OPRM1: variants seen among roughly 807,000 people sequenced by gnomAD.
OPRM1 encodes mu-type opioid receptor.
OPRM1 carries 27 observed loss-of-function variants against 31.8 expected under a neutral mutation model. The ratio of observed to expected loss-of-function variants is 0.85; its 90% CI spans 0.63 to 1.17. The LOEUF (loss-of-function observed/expected upper bound fraction) is 1.17. Ranked by LOEUF, OPRM1 falls within the 50% of genes most tolerant of loss-of-function variation. The pLI is 0.00. For synonymous variants in OPRM1, 196 were observed against 189.9 expected, an observed-to-expected ratio of 1.03 and a Z score of -0.26; for missense variants, 536 against 511.1, an observed-to-expected ratio of 1.05 and a Z score of -0.47.
chr6:154,069,719 G>T (rs117296063), intron 1 of OPRM1, among the ~76,000 whole-genome samples: 1 of 152,202 alleles, frequency 6.6e-6, no homozygotes, highest in East Asian at 1.9e-4. Flanking sequence ...TCTGCTGCAC[G>T]TGGAAATCCA....
At chr6:154,070,669 T>C (rs935954847) in intron 1 of OPRM1, among the ~76,000 whole-genome samples, 3 of 152,244 alleles carry the variant, frequency 2.0e-5, no homozygotes, top group Non-Finnish European at 2.9e-5. Context: ...CTCAGCAACT[T>C]GACTAACATC....
chr6:154,224,688 A>C (rs1779118384), intron 3 of OPRM1, among the ~76,000 whole-genome samples: 1 of 152,114 alleles, frequency 6.6e-6, no homozygotes, highest in African/African-American at 2.4e-5. Context: ...TCCAGTCTGG[A>C]CAACAGAGTG....
Position 154,110,435 on chromosome 6 carries a change from A to G in OPRM1, c.1165-8248A>G, listed in dbSNP as rs1316980210. ...AATAATTACAATATTTTCCCGTGAA[A>G]GAATATAAGATTGGAAGCCAGAGAG... is the stretch of plus-strand genomic sequence containing the variant. On this transcript the variant is annotated intron_variant, in intron 3 of 3. Coordinates refer to ENST00000330432, the MANE Select transcript of OPRM1 (RefSeq NM_000914.5). 6.9e-6 allele frequency: 10 copies of G among 1,447,486 alleles called. No homozygotes were observed. In the East Asian group the frequency reaches 2.5e-4, roughly 36 times the overall value. 89.7% of individuals were successfully genotyped at this position (1,447,486 alleles called of 1,614,324 possible). A position where few individuals can be genotyped will look rare whatever the true frequency, so the allele number is the denominator to read the frequency against.
chr6:154,069,643 C>A (rs1786221082), intron 1 of OPRM1, among the ~76,000 whole-genome samples: 1 of 152,120 alleles, frequency 6.6e-6, no homozygotes, highest in Non-Finnish European at 1.5e-5. Flanking sequence ...GGGGGTCTTA[C>A]ATTTAAGTTG....
At chr6:154,166,065 G>A (rs557161837) in intron 3 of OPRM1, among the ~76,000 whole-genome samples, 2 of 152,386 alleles carry the variant, frequency 1.3e-5, no homozygotes, top group Admixed American at 6.5e-5. Flanking sequence ...AGACCTGGGG[G>A]CAGAGGCATT....
At chr6:154,214,146 T>C in intron 3 of OPRM1, 2 of 982,570 alleles carry the variant, frequency 2.0e-6, no homozygotes, top group Non-Finnish European at 1.7e-6. Flanking sequence ...GAACTTGACA[T>C]TGTTTTTTCA....
chr6:154,126,683 T>C lies in OPRM1; in HGVS notation c.*7962T>C, dbSNP rs1797602905. 6.6e-6 allele frequency among the ~76,000 whole-genome samples: 1 copy of C among 152,078 alleles called. No individual in the cohort carries two copies. Among genetic ancestry groups the C allele is most frequent in the African/African-American group, 2.4e-5 (1 of 41,392 alleles). ...ATCTGCAGGGTAGATTTGGCTTCCA[T>C]GGTTGTTCACTGCTCTGTGTTAGGA... On this transcript the variant is annotated 3_prime_UTR_variant, in exon 4 of 4. Transcript: ENST00000330432.
intron 3 of OPRM1, among the ~76,000 whole-genome samples, chr6:154,110,170 G>A: frequency 6.6e-6 from 1 of 152,090 alleles, no homozygotes. Context: ...TCTGAAAATA[G>A]AGCAGGGTTT....
At chr6:154,204,942 G>T (rs1346666120) in intron 3 of OPRM1, among the ~76,000 whole-genome samples, 1 of 152,116 alleles carries the variant, frequency 6.6e-6, no homozygotes, top group African/African-American at 2.4e-5. Context: ...AGCCACACTG[G>T]CCTTCTTTCT....
chr6:154,074,225 A>G (rs1787378572), intron 1 of OPRM1: 1 of 152,198 alleles, frequency 6.6e-6, no homozygotes, highest in Non-Finnish European at 1.5e-5. Flanking sequence ...TCATTTTTTC[A>G]TCTGTAAAAT....
At position 154,099,905 on chromosome 6, in the gene OPRM1, GAT is replaced by G. The variant is rs1241344005; in HGVS notation, c.1164+8440_1164+8441del. On this transcript the variant is annotated intron_variant, in intron 3 of 3. Coordinates refer to ENST00000330432, the MANE Select transcript of OPRM1 (RefSeq NM_000914.5). Reference sequence around the variant, plus strand: ...CATAACATATTATATATTATATTATGATATATATCATAACATGTATTATCATA... The same window carrying G: ...CATAACATATTATATATTATATTATGATATATCATAACATGTATTATCATA... Among the ~76,000 whole-genome samples, 274 of 138,716 alleles carry G rather than the reference GAT, an allele frequency of 2.0e-3. 1 individual carries two copies. Among genetic ancestry groups the G allele is most frequent in the Non-Finnish European group, 3.3e-3 (218 of 65,690 alleles). 91.0% of individuals were successfully genotyped at this position (138,716 alleles called of 152,430 possible).
In OPRM1 at chr6:154,121,998, A is replaced by G. The variant is rs1233220872; in HGVS notation, c.*3277A>G. 6.6e-6 allele frequency among the ~76,000 whole-genome samples: 1 copy of G among 152,204 alleles called. No individual in the cohort carries two copies. The highest frequency in any genetic ancestry group is 1.5e-5 in the Non-Finnish European group (1 of 68,022). ...ATTCTCCATCTACTGGCAATTACCA[A>G]GATAAGATGGCACTAGAAATTTCTC... On this transcript the variant is annotated 3_prime_UTR_variant, in exon 4 of 4. Coordinates refer to ENST00000330432, the MANE Select transcript of OPRM1 (RefSeq NM_000914.5).
At chr6:154,226,525 T>A (rs1377654995) in intron 3 of OPRM1, among the ~76,000 whole-genome samples, 5 of 152,118 alleles carry the variant, frequency 3.3e-5, no homozygotes, top group African/African-American at 1.2e-4. Flanking sequence ...AAACTCAAAG[T>A]TGTATAGTTG....
intron 3 of OPRM1, among the ~76,000 whole-genome samples, chr6:154,229,572 G>A (rs1007457114): frequency 4.0e-5 from 6 of 151,796 alleles, no homozygotes; most frequent in African/African-American, 1.2e-4. Flanking sequence ...TAGCCAGGAC[G>A]GTCTCGATCT....
chr6:154,189,107 C>T (rs1442424471), intron 3 of OPRM1, among the ~76,000 whole-genome samples: 1 of 152,028 alleles, frequency 6.6e-6, no homozygotes, highest in African/African-American at 2.4e-5. Flanking sequence ...GTATACATTC[C>T]TACAAATCCA....
At chr6:154,044,777 C>T (rs1206514761) in intron 1 of OPRM1, among the ~76,000 whole-genome samples, 1 of 152,174 alleles carries the variant, frequency 6.6e-6, no homozygotes, top group African/African-American at 2.4e-5. Flanking sequence ...AGATTTTGAA[C>T]ATCTAATAGG....
chr6:154,179,499 G>GC (rs1012419016), intron 3 of OPRM1, among the ~76,000 whole-genome samples: 25 of 151,992 alleles, frequency 1.6e-4, no homozygotes, highest in East Asian at 5.8e-4. Flanking sequence ...AATTATTTCC[G>GC]CCCCCCCTTA....
upstream of OPRM1, among the ~76,000 whole-genome samples, chr6:154,036,265 A>C (rs1779290976): frequency 6.6e-6 from 1 of 152,100 alleles, no homozygotes; most frequent in African/African-American, 2.4e-5. Context: ...TTTGTTCTGC[A>C]GCTTCCTGAA....
At chr6:154,109,792 C>CTGTGTGTGTGTGTGTG (rs377400514) in intron 3 of OPRM1, among the ~76,000 whole-genome samples, 4 of 101,198 alleles carry the variant, frequency 4.0e-5, no homozygotes, top group African/African-American at 1.5e-4. Flanking sequence ...CTCTCTCTCT[C>CTGTGTGTGTGTGTGTG]TGTGTGTGTG....
Sources: gnomAD v4.1 joint callset for allele counts (sites outside exome capture counted in the v4.1 genomes callset) on GRCh38, gnomAD v4.1.1 for gene constraint, MANE v1.5 for transcripts, NCBI Gene and HGNC (gene_info 2026-07-23, HGNC 2026-07-21) for gene names.